The following ADCY3 variants were observed in gnomAD, a reference collection of about 807,000 sequenced individuals.
ADCY3 encodes the protein adenylate cyclase type 3.
ADCY3 carries 70 observed loss-of-function variants against 119.4 expected under a neutral mutation model. That is an observed-to-expected ratio of 0.59 (90% CI 0.48 to 0.72). The LOEUF is 0.72. ADCY3 is among the 30% of genes least tolerant of loss of function. The probability of loss-of-function intolerance (pLI) is 0.00; values close to 1 mark genes in which losing one functional copy is unlikely to be tolerated. For synonymous variants in ADCY3, 672 were observed against 621.4 expected (o/e 1.08, Z -1.21); for missense variants, 1,238 against 1,541.6 (o/e 0.80, Z 3.30).
At chr2:24,857,120 T>G (rs920021620) in intron 3 of ADCY3, among the ~76,000 whole-genome samples, 5 of 152,054 alleles carry the variant, frequency 3.3e-5, no homozygotes, top group African/African-American at 7.3e-5. Context: ...AGACCCAGGG[T>G]CAGCCCAGAG....
chr2:24,896,854 C>T (rs186821162), intron 2 of ADCY3, among the ~76,000 whole-genome samples: 93 of 152,286 alleles, frequency 6.1e-4, no homozygotes, highest in African/African-American at 2.1e-3. Context: ...TTAGTAATCT[C>T]GCCAGTCTCC....
intron 3 of ADCY3, among the ~76,000 whole-genome samples, chr2:24,854,245 G>C (rs967834375): frequency 1.3e-5 from 2 of 152,204 alleles, no homozygotes; most frequent in Non-Finnish European, 2.9e-5. Flanking sequence ...ATCTGTTGAC[G>C]TAAGATAGTA....
chr2:24,872,470 C>A lies in ADCY3; in HGVS notation c.825+100G>T. 5.6e-6 allele frequency: 8 copies of A among 1,429,954 alleles called. No homozygotes were observed. Among genetic ancestry groups the A allele is most frequent in the Non-Finnish European group, 7.6e-6 (8 of 1,053,986 alleles). 88.6% of individuals were successfully genotyped at this position (1,429,954 alleles called of 1,614,324 possible). A position where few individuals can be genotyped will look rare whatever the true frequency, so the allele number is the denominator to read the frequency against. ...CTGAACAGGGTGGATGAACGCCAAG[C>A]CCCACGGAGCCAGGGGCTGCCGCTC... On this transcript the variant is annotated intron_variant, in intron 3 of 21. Transcript: ENST00000679454. The surrounding 1 kb of genome is among the most constrained non-coding windows in gnomAD (Gnocchi z 4.4).
In ADCY3 at chr2:24,867,099, G is replaced by C. The variant is rs764321381; in HGVS notation, c.825+5471C>G. ...GAATACCAAGCAGAGCAACTGCAAA[G>C]AAAACTCCCAGGCGCAGCATCGTAA... On this transcript the variant is annotated intron_variant, in intron 3 of 21. Coordinates refer to ENST00000679454, the MANE Select transcript of ADCY3 (RefSeq NM_004036.5). 2.6e-4 allele frequency among the ~76,000 whole-genome samples: 40 copies of C among 152,150 alleles called. 1 individual carries two copies. The highest frequency in any genetic ancestry group is 5.9e-5 in the Non-Finnish European group (4 of 68,040).
chr2:24,875,819 G>C (rs545921293), intron 2 of ADCY3, among the ~76,000 whole-genome samples: 8 of 152,310 alleles, frequency 5.3e-5, no homozygotes, highest in African/African-American at 1.9e-4. Flanking sequence ...TTTTACAGAA[G>C]GAATTGAGAT....
intron 2 of ADCY3, among the ~76,000 whole-genome samples, chr2:24,886,058 T>C (rs769266802): frequency 6.6e-6 from 1 of 152,236 alleles, no homozygotes; most frequent in Non-Finnish European, 1.5e-5. Context: ...AAATCCATGT[T>C]TGTATTTGTA....
chr2:24,855,695 G>C (rs1024375875), intron 3 of ADCY3, among the ~76,000 whole-genome samples: 13 of 152,312 alleles, frequency 8.5e-5, no homozygotes, highest in African/African-American at 2.9e-4. Context: ...AGGTTTCCTG[G>C]GTAAAGCAAG....
chr2:24,824,334 A>C, intron 17 of ADCY3, 44 bp downstream of exon 17: 1 of 1,601,722 alleles, frequency 6.2e-7, no homozygotes, highest in Non-Finnish European at 8.5e-7. Context: ...GAACAGATGG[A>C]GACAAATGGC....
intron 2 of ADCY3, among the ~76,000 whole-genome samples, chr2:24,900,496 AGT>A (rs1432637222): frequency 2.0e-5 from 3 of 152,132 alleles, no homozygotes; most frequent in Non-Finnish European, 4.4e-5. Flanking sequence ...TTCTACCTGC[AGT>A]GTTTGTGTCC....
In ADCY3 at chr2:24,827,967, G is replaced by A. The variant is rs1558409658; in HGVS notation, c.2367C>T (p.Thr789=). ...LMLLVAGAVA[T]INLYAWRPVF... ...CGGGACGCCAGGCATAGAGGTTGATGGTGGCCACGGCGCCTGCGACGAGCA... is the reference window on the plus strand; with the variant it reads ...CGGGACGCCAGGCATAGAGGTTGATAGTGGCCACGGCGCCTGCGACGAGCA... Residue 789 remains threonine, a synonymous_variant, in exon 14 of 22, where the codon ACC becomes ACT. Transcript: ENST00000679454. 1.9e-6 allele frequency: 3 copies of A among 1,614,236 alleles called. No homozygotes were observed. The highest frequency in any genetic ancestry group is 2.5e-6 in the Non-Finnish European group (3 of 1,180,044).
intron 2 of ADCY3, among the ~76,000 whole-genome samples, chr2:24,879,760 C>T (rs953131492): frequency 6.6e-6 from 1 of 152,160 alleles, no homozygotes; most frequent in African/African-American, 2.4e-5. Flanking sequence ...CCCCTTACCC[C>T]GGGGCCAGGG....
rs1667892978 is a variant in ADCY3, at chr2:24,822,332, C to G, written c.3003+179G>C. 3 of 878,296 alleles carry G rather than the reference C, an allele frequency of 3.4e-6. No homozygotes were observed. The Admixed American group carries it at 7.4e-5, about 22-fold the overall frequency. The allele number at this position is 878,296 out of a possible 1,614,324, so 54.4% of individuals were successfully genotyped here. A position where few individuals can be genotyped will look rare whatever the true frequency, so the allele number is the denominator to read the frequency against. On this transcript the variant is annotated intron_variant, in intron 19 of 21. Coordinates refer to ENST00000679454, the MANE Select transcript of ADCY3 (RefSeq NM_004036.5). ...AGGGGGTTGTGTGTCTGTTCTGTTT[C>G]TCTGCTTGCCGAACTTTCTCAATAA... is the stretch of plus-strand genomic sequence containing the variant.
rs11308691 is a variant in ADCY3 at position 24,823,690 on chromosome 2, C to CTTT, written c.2737-338_2737-336dup. On this transcript the variant is annotated intron_variant, in intron 17 of 21. Coordinates refer to ENST00000679454, the MANE Select transcript of ADCY3 (RefSeq NM_004036.5). The stretch of plus-strand genomic sequence containing the variant: ...ATAATTTAAAAATAGCTCATCGCTA[C>CTTT]TTTTTTTTTTTTTTTTTGAGAGATG... 1.3e-4 allele frequency among the ~76,000 whole-genome samples: 17 copies of CTTT among 132,634 alleles called. 1 individual carries two copies. The highest frequency in any genetic ancestry group is 7.4e-4 in the South Asian group (3 of 4,080). The allele number at this position is 132,634 out of a possible 152,430, so 87.0% of individuals were successfully genotyped here. A position where few individuals can be genotyped will look rare whatever the true frequency, so the allele number is the denominator to read the frequency against.
At chr2:24,915,343 C>G (rs1664321285) in intron 2 of ADCY3, among the ~76,000 whole-genome samples, 1 of 152,120 alleles carries the variant, frequency 6.6e-6, no homozygotes, top group South Asian at 2.1e-4. Flanking sequence ...TGGGACCTAC[C>G]CTGACCAGAA....
chr2:24,852,131 C>A (rs1048037459), intron 3 of ADCY3, among the ~76,000 whole-genome samples: 1 of 152,210 alleles, frequency 6.6e-6, no homozygotes, highest in East Asian at 1.9e-4. Flanking sequence ...GGGCTCCATG[C>A]CACCTGGGCG....
chr2:24,893,248 G>A (rs1677908632), intron 2 of ADCY3, among the ~76,000 whole-genome samples: 1 of 152,134 alleles, frequency 6.6e-6, no homozygotes, highest in South Asian at 2.1e-4. Flanking sequence ...GCTCATGCCT[G>A]TAGTCCCAGC....
At chr2:24,836,350 G>C (rs1399455302) in intron 9 of ADCY3, among the ~76,000 whole-genome samples, 1 of 152,214 alleles carries the variant, frequency 6.6e-6, no homozygotes, top group Non-Finnish European at 1.5e-5. Flanking sequence ...CCCCTCACGC[G>C]GTGAGCCCGA....
chr2:24,821,051 C>G (rs562617864), intron 20 of ADCY3: 7 of 659,074 alleles, frequency 1.1e-5, no homozygotes, highest in East Asian at 6.0e-5. Flanking sequence ...GCCGCCACCC[C>G]CCCCCCATAT....
intron 13 of ADCY3, among the ~76,000 whole-genome samples, chr2:24,828,980 AGC>A (rs1669027264): frequency 6.6e-6 from 1 of 151,172 alleles, no homozygotes. Flanking sequence ...TAGGCTCTGG[AGC>A]CCCTAACTCC....
Sources: gnomAD v4.1 joint callset for allele counts (sites outside exome capture counted in the v4.1 genomes callset) on GRCh38, gnomAD v4.1.1 for gene constraint, Gnocchi (gnomAD v3.1) non-coding constraint, MANE v1.5 for transcripts, NCBI Gene and HGNC (gene_info 2026-07-23, HGNC 2026-07-21) for gene names.